MYO18B: variants seen among roughly 807,000 people sequenced by gnomAD.
MYO18B encodes the protein unconventional myosin-XVIIIb.
MYO18B carries 204 observed loss-of-function variants against 273.0 expected under a neutral mutation model. The observed-to-expected ratio is 0.75, with a 90% CI of 0.67 to 0.84. MYO18B has a LOEUF of 0.84. MYO18B is among the 40% of genes least tolerant of loss of function. The pLI is 0.00. For synonymous variants in MYO18B, 1,330 were observed against 1,305.7 expected (o/e 1.02, Z -0.40); for missense variants, 3,212 against 3,287.6 (o/e 0.98, Z 0.56).
chr22:25,819,654 T>G (rs1447560238), intron 12 of MYO18B, among the ~76,000 whole-genome samples: 1 of 152,220 alleles, frequency 6.6e-6, no homozygotes, highest in East Asian at 1.9e-4. Context: ...GAATTCTCAT[T>G]TAACATAGTG....
chr22:25,988,064 G>GCC (rs1007335581), intron 39 of MYO18B, among the ~76,000 whole-genome samples: 1 of 151,938 alleles, frequency 6.6e-6, no homozygotes. Context: ...CCTGAGCCAA[G>GCC]CCCGAGCAAG....
At chr22:26,061,682 T>C in the MYO18B span, among the ~76,000 whole-genome samples, 2 of 151,478 alleles carry the variant, frequency 1.3e-5, no homozygotes, top group African/African-American at 2.4e-5. Flanking sequence ...AGAAAGGTCA[T>C]CTACCACCGA....
At chr22:25,931,312 A>G (rs922829045) in intron 34 of MYO18B, among the ~76,000 whole-genome samples, 1 of 152,212 alleles carries the variant, frequency 6.6e-6, no homozygotes, top group South Asian at 2.1e-4. Context: ...GGCTGGTTTC[A>G]TTATAGGCAA....
At chr22:25,872,215 A>T (rs974555274) in intron 22 of MYO18B, among the ~76,000 whole-genome samples, 1 of 152,218 alleles carries the variant, frequency 6.6e-6, no homozygotes, top group African/African-American at 2.4e-5. Flanking sequence ...ATAGTGCAGG[A>T]TGGTCGGAGA....
At chr22:25,799,633 G>A (rs764038066) in intron 12 of MYO18B, among the ~76,000 whole-genome samples, 7 of 152,206 alleles carry the variant, frequency 4.6e-5, no homozygotes, top group Non-Finnish European at 8.8e-5. Flanking sequence ...GGGGGCAGTA[G>A]AATCTTCGAG....
At chr22:25,817,416 TCTTTTCTTTCC>T (rs140202930) in intron 12 of MYO18B, among the ~76,000 whole-genome samples, 31,826 of 134,002 alleles carry the variant, frequency 0.24, 3,904 homozygotes, top group Non-Finnish European at 0.27. Flanking sequence ...CCTCCCTCCC[TCTTTTCTTTCC>T]CTTTCCTTTC....
intron 34 of MYO18B, among the ~76,000 whole-genome samples, chr22:25,939,554 G>A (rs2092620036): frequency 6.6e-6 from 1 of 152,218 alleles, no homozygotes; most frequent in African/African-American, 2.4e-5. Context: ...GCCAACAGGA[G>A]GCGATGCTCT....
At chr22:25,750,150 G>A (rs932703911) in intron 1 of MYO18B, among the ~76,000 whole-genome samples, 3 of 152,188 alleles carry the variant, frequency 2.0e-5, no homozygotes, top group Admixed American at 6.5e-5. Context: ...TTACTTTTCT[G>A]GGCCTGAACT....
At chr22:25,847,699 A>G in intron 20 of MYO18B, 47 bp downstream of exon 20, 2 of 1,435,320 alleles carry the variant, frequency 1.4e-6, no homozygotes, top group Non-Finnish European at 1.9e-6. Flanking sequence ...CTCCTGGGAC[A>G]TGTCCACCCA....
At chr22:25,899,223 G>C (rs546936874) in intron 29 of MYO18B, 1 of 152,358 alleles carries the variant, frequency 6.6e-6, no homozygotes, top group East Asian at 1.9e-4. Flanking sequence ...ACACTCATAG[G>C]CTTCTTCATG....
At chr22:25,852,346 T>G (rs1422510484) in intron 21 of MYO18B, among the ~76,000 whole-genome samples, 1 of 152,220 alleles carries the variant, frequency 6.6e-6, no homozygotes. Context: ...GTGAATCTCC[T>G]CTGTGTTTTC....
At chr22:25,987,061 G>T (rs1344197929) in intron 39 of MYO18B, among the ~76,000 whole-genome samples, 1 of 152,134 alleles carries the variant, frequency 6.6e-6, no homozygotes, top group Non-Finnish European at 1.5e-5. Context: ...AGTGTAAATT[G>T]TGTGGCACAG....
At chr22:25,923,173 G>T (rs1282585861) in intron 34 of MYO18B, among the ~76,000 whole-genome samples, 1 of 152,218 alleles carries the variant, frequency 6.6e-6, no homozygotes, top group Non-Finnish European at 1.5e-5. Context: ...GAAAGAATAT[G>T]GCAGAAGCAA....
intron 21 of MYO18B, among the ~76,000 whole-genome samples, chr22:25,861,884 C>G (rs1230503053): frequency 6.6e-6 from 1 of 152,158 alleles, no homozygotes; most frequent in East Asian, 1.9e-4. Flanking sequence ...TCCAATATAG[C>G]TCACGTCTTC....
intron 40 of MYO18B, among the ~76,000 whole-genome samples, chr22:25,999,816 C>T (rs1021296959): frequency 3.9e-5 from 6 of 151,912 alleles, no homozygotes; most frequent in South Asian, 2.1e-4. Context: ...CCACCACACC[C>T]GACTAATTTT....
intron 42 of MYO18B, among the ~76,000 whole-genome samples, chr22:26,007,126 G>T (rs927997572): frequency 2.6e-5 from 4 of 152,206 alleles, no homozygotes; most frequent in African/African-American, 9.6e-5. Flanking sequence ...AGAACAGGGA[G>T]GGGGCAGGAG....
chr22:26,033,360 T>A (rs1936707098), downstream of MYO18B, among the ~76,000 whole-genome samples: 2 of 152,184 alleles, frequency 1.3e-5, no homozygotes, highest in Non-Finnish European at 2.9e-5. Flanking sequence ...AGCAAGAAAA[T>A]GAATATACTG....
chr22:26,043,511 CTTT>C, the MYO18B span, among the ~76,000 whole-genome samples: 6 of 123,026 alleles, frequency 4.9e-5, no homozygotes, highest in Admixed American at 1.7e-4. Flanking sequence ...TTTTTTCTTT[CTTT>C]TTTTTTTTTT....
intron 12 of MYO18B, among the ~76,000 whole-genome samples, chr22:25,804,298 G>C (rs1315123099): frequency 1.3e-5 from 2 of 152,172 alleles, no homozygotes; most frequent in Non-Finnish European, 2.9e-5. Context: ...GTTGCTCAGA[G>C]GCAAGCTAAG....
Sources: gnomAD v4.1 joint callset for allele counts (sites outside exome capture counted in the v4.1 genomes callset) on GRCh38, gnomAD v4.1.1 for gene constraint, MANE v1.5 for transcripts, NCBI Gene and HGNC (gene_info 2026-07-23, HGNC 2026-07-21) for gene names.